NFATC2: variants seen among roughly 807,000 people sequenced by gnomAD.
The protein encoded by NFATC2 is nuclear factor of activated T cells 2.
A neutral mutation model predicts 87.3 loss-of-function variants in NFATC2; 22 were observed. The ratio of observed to expected loss-of-function variants is 0.25; its 90% confidence interval spans 0.18 to 0.36. The LOEUF (loss-of-function observed/expected upper bound fraction) is 0.36. Among genes scored for constraint, NFATC2 ranks in the 10% least tolerant of loss-of-function variants. The pLI, the probability that NFATC2 is intolerant of heterozygous loss-of-function variation, is 1.00. For missense variants in NFATC2, 1,149 were observed against 1,259.1 expected (o/e 0.91, Z 1.32); for synonymous variants, 565 against 542.2 (o/e 1.04, Z -0.58).
At chr20:51,419,260 G>A (rs1980522591) in intron 9 of NFATC2, among the ~76,000 whole-genome samples, 1 of 152,132 alleles carries the variant, frequency 6.6e-6, no homozygotes, top group African/African-American at 2.4e-5. Context: ...ACAGTAGCAG[G>A]TTTCAGCTAT....
At chr20:51,553,607 A>G (rs1366357511) in intron 1 of NFATC2, among the ~76,000 whole-genome samples, 1 of 146,820 alleles carries the variant, frequency 6.8e-6, no homozygotes, top group Non-Finnish European at 1.5e-5. Flanking sequence ...CCTGGAAGGC[A>G]GGAGCTTGCA....
At chr20:51,425,720 G>T (rs561459145) in intron 9 of NFATC2, among the ~76,000 whole-genome samples, 1 of 152,234 alleles carries the variant, frequency 6.6e-6, no homozygotes, top group Admixed American at 6.5e-5. Flanking sequence ...CTTTTCCATC[G>T]CTGGGTTCCT....
chr20:51,542,817 G>C (rs2076847938), upstream of NFATC2: 1 of 767,324 alleles, frequency 1.3e-6, no homozygotes. Flanking sequence ...CGCCACCAGG[G>C]GACCGGAGGG....
At chr20:51,460,706 CA>C (rs779415056) in intron 5 of NFATC2, among the ~76,000 whole-genome samples, 55 of 151,514 alleles carry the variant, frequency 3.6e-4, no homozygotes, top group Non-Finnish European at 6.5e-4. Flanking sequence ...CACCTGAGCT[CA>C]GGCGATCCGC....
chr20:51,527,925 C>T (rs2076570755), intron 1 of NFATC2, among the ~76,000 whole-genome samples: 1 of 151,556 alleles, frequency 6.6e-6, no homozygotes, highest in Admixed American at 6.6e-5. Flanking sequence ...ACGTAGAGAC[C>T]CCATCTCTAA....
At chr20:51,560,691 G>A (rs981228578) in intron 1 of NFATC2, among the ~76,000 whole-genome samples, 7 of 152,200 alleles carry the variant, frequency 4.6e-5, no homozygotes, top group Middle Eastern at 3.4e-3. Context: ...AGTGTGGTTC[G>A]CCTGGAACAA....
At chr20:51,435,452 TCAGG>T in intron 7 of NFATC2, 138 bp from the exon 8 acceptor site, 2 of 1,298,414 alleles carry the variant, frequency 1.5e-6, no homozygotes, top group Non-Finnish European at 2.1e-6. Context: ...AAGTTCAATT[TCAGG>T]GGAATTTAAC....
chr20:51,491,871 TACACATACACACACACACACACACACAC>T (rs1278780083), intron 3 of NFATC2, among the ~76,000 whole-genome samples: 2 of 86,246 alleles, frequency 2.3e-5, no homozygotes, highest in Admixed American at 1.2e-4. Flanking sequence ...AACACACACA[TACACATACACACACACACACACACACAC>T]ACACACACAC....
chr20:51,453,283 G>C (rs914031689), intron 6 of NFATC2, among the ~76,000 whole-genome samples: 1 of 152,228 alleles, frequency 6.6e-6, no homozygotes, highest in African/African-American at 2.4e-5. Flanking sequence ...GCTTCCCCCT[G>C]CCAGAAGTTG....
At position 51,398,278 on chromosome 20, in the gene NFATC2, G is replaced by A. The variant is rs368383173; in HGVS notation, c.*44+365C>T. 1.8e-4 allele frequency among the ~76,000 whole-genome samples: 28 copies of A among 152,188 alleles called. 1 individual carries two copies. Among genetic ancestry groups the A allele is most frequent in the East Asian group, 1.7e-3 (9 of 5,186 alleles). Reference sequence around the variant, plus strand: ...CCCACTCTGCTGTTCCCCAGTGCCGGACACCCACCACGGATGGAGAGCCTC... The same window carrying A: ...CCCACTCTGCTGTTCCCCAGTGCCGAACACCCACCACGGATGGAGAGCCTC... On this transcript the variant is annotated intron_variant, in intron 10 of 10. Coordinates refer to ENST00000371564, the MANE Select transcript of NFATC2 (RefSeq NM_012340.5).
At chr20:51,431,669 T>C (rs560104508) in intron 9 of NFATC2, among the ~76,000 whole-genome samples, 1 of 152,300 alleles carries the variant, frequency 6.6e-6, no homozygotes, top group Non-Finnish European at 1.5e-5. Flanking sequence ...TGGGATTTTT[T>C]TTCTGTACAG....
chr20:51,542,697 G>A lies in NFATC2; in HGVS notation c.-198C>T. 1 of 1,103,540 alleles carries A rather than the reference G, an allele frequency of 9.1e-7. No individual in the cohort carries two copies. Among genetic ancestry groups the A allele is most frequent in the Non-Finnish European group, 1.1e-6 (1 of 906,554 alleles). 68.4% of individuals were successfully genotyped at this position (1,103,540 alleles called of 1,614,324 possible). A position where few individuals can be genotyped will look rare whatever the true frequency, so the allele number is the denominator to read the frequency against. ...CCCGGGGAAGCTGAGCGGCGGCGGC[G>A]ACGGCGGCGCGAGCTTCCTGCTCCG... On this transcript the variant is annotated 5_prime_UTR_variant, in exon 1 of 11. Transcript: ENST00000371564.
chr20:51,402,617 C>A (rs190264087), intron 9 of NFATC2, among the ~76,000 whole-genome samples: 133 of 152,306 alleles, frequency 8.7e-4, no homozygotes, highest in African/African-American at 3.0e-3. Context: ...TTGGGGAAGA[C>A]ATATACCATA....
intron 5 of NFATC2, among the ~76,000 whole-genome samples, chr20:51,468,719 T>C (rs1367470155): frequency 6.6e-6 from 1 of 152,206 alleles, no homozygotes; most frequent in Non-Finnish European, 1.5e-5. Flanking sequence ...CCGGCAAACA[T>C]TGCCTGGTTC....
At chr20:51,461,729 A>G (rs1298818514) in intron 5 of NFATC2, among the ~76,000 whole-genome samples, 1 of 152,364 alleles carries the variant, frequency 6.6e-6, no homozygotes, top group South Asian at 2.1e-4. Flanking sequence ...ATTCGCCGTC[A>G]AGCCGGGTGG....
chr20:51,503,431 A>C (rs2076123322), intron 3 of NFATC2, among the ~76,000 whole-genome samples: 1 of 152,224 alleles, frequency 6.6e-6, no homozygotes, highest in South Asian at 2.1e-4. Context: ...TCATGCCACT[A>C]GTATGGTGAG....
chr20:51,510,725 AAT>A (rs1308799124), intron 3 of NFATC2, among the ~76,000 whole-genome samples: 1 of 152,214 alleles, frequency 6.6e-6, no homozygotes, highest in East Asian at 1.9e-4. Flanking sequence ...GAGCTCAAGC[AAT>A]CCTCTTGCCT....
rs747108977 is a variant in NFATC2 at position 51,495,232 on chromosome 20, G to A, written c.1333-19572C>T. Among the ~76,000 whole-genome samples, 9 of 152,226 alleles carry A rather than the reference G, an allele frequency of 5.9e-5. No individual in the cohort carries two copies. The South Asian group carries it at 8.3e-4, about 14-fold the overall frequency. On this transcript the variant is annotated intron_variant, in intron 3 of 10. Coordinates refer to ENST00000371564, the MANE Select transcript of NFATC2 (RefSeq NM_012340.5). ...CTGGAGTAGCTGGGACAACAGGCACGTGCCACCACACCCAGCTAATTTTTG... is the reference window on the plus strand; with the variant it reads ...CTGGAGTAGCTGGGACAACAGGCACATGCCACCACACCCAGCTAATTTTTG...
chr20:51,544,239 G>A (rs1005170962), upstream of NFATC2, among the ~76,000 whole-genome samples: 8 of 151,780 alleles, frequency 5.3e-5, no homozygotes, highest in East Asian at 1.9e-4. Context: ...CACCCGCCTC[G>A]GCCTCCCCAA....
Sources: gnomAD v4.1 joint callset for allele counts (sites outside exome capture counted in the v4.1 genomes callset) on GRCh38, gnomAD v4.1.1 for gene constraint, MANE v1.5 for transcripts, NCBI Gene and HGNC (gene_info 2026-07-23, HGNC 2026-07-21) for gene names.